PDGFD: variants seen among roughly 807,000 people sequenced by gnomAD.
PDGFD encodes the protein platelet-derived growth factor D.
PDGFD carries 30 observed loss-of-function variants against 44.7 expected under a neutral mutation model. That is an observed-to-expected ratio of 0.67 (90% CI 0.50 to 0.91). The LOEUF (loss-of-function observed/expected upper bound fraction) is 0.91, where lower values mean the gene tolerates loss of function less well. Among genes scored for constraint, PDGFD ranks in the 40% least tolerant of loss-of-function variants. The pLI, the probability that PDGFD is intolerant of heterozygous loss-of-function variation, is 0.00. For synonymous variants in PDGFD, 173 were observed against 168.4 expected, an observed-to-expected ratio of 1.03 and a Z score of -0.21; for missense variants, 445 against 457.8, an observed-to-expected ratio of 0.97 and a Z score of 0.25.
At chr11:104,062,563 T>TA (rs1265687269) in intron 1 of PDGFD, among the ~76,000 whole-genome samples, 1 of 152,242 alleles carries the variant, frequency 6.6e-6, no homozygotes, top group Non-Finnish European at 1.5e-5. Flanking sequence ...ACGTTAGGAA[T>TA]AATTACTTAT....
At chr11:104,079,531 G>A (rs1480203138) in intron 1 of PDGFD, among the ~76,000 whole-genome samples, 2 of 152,070 alleles carry the variant, frequency 1.3e-5, no homozygotes, top group Admixed American at 6.6e-5. Flanking sequence ...GGAATTACAG[G>A]TGCCTGCCGC....
intron 3 of PDGFD, among the ~76,000 whole-genome samples, chr11:103,984,944 A>C (rs1258891545): frequency 1.1e-5 from 1 of 88,912 alleles, no homozygotes; most frequent in Non-Finnish European, 2.4e-5. Flanking sequence ...TATATAACAT[A>C]TTAATTTATT....
intron 6 of PDGFD, among the ~76,000 whole-genome samples, chr11:103,916,741 T>G (rs1858132323): frequency 6.6e-6 from 1 of 152,122 alleles, no homozygotes; most frequent in African/African-American, 2.4e-5. Context: ...ATATACACCA[T>G]GAAATACTAT....
At chr11:103,945,163 A>C (rs1177800980) in intron 4 of PDGFD, among the ~76,000 whole-genome samples, 1 of 152,106 alleles carries the variant, frequency 6.6e-6, no homozygotes, top group African/African-American at 2.4e-5. Context: ...TCACAGTTCA[A>C]GCCATGTTAA....
rs142453389 is a variant in PDGFD at position 104,040,566 on chromosome 11, A to G, written c.125-40311T>C. On this transcript the variant is annotated intron_variant, in intron 1 of 6. Transcript: ENST00000393158. The stretch of plus-strand genomic sequence containing the variant: ...CATCTTTTGCTTGTCTTCTACATCA[A>G]TCAGGCACTATGCAAGGTACTTTGC... 1.3e-3 allele frequency among the ~76,000 whole-genome samples: 198 copies of G among 152,106 alleles called. 4 individuals are homozygous for G. The highest frequency in any genetic ancestry group is 4.5e-3 in the African/African-American group (187 of 41,546).
chr11:104,127,042 G>A (rs551911263), intron 1 of PDGFD, among the ~76,000 whole-genome samples: 16 of 152,112 alleles, frequency 1.1e-4, no homozygotes, highest in East Asian at 7.8e-4. Context: ...CACGAATCCC[G>A]TGCCCATACC....
rs1861715396 is a variant in PDGFD at position 104,119,316 on chromosome 11, TATATTG to T, written c.124+44482_124+44487del. 5.4e-5 allele frequency among the ~76,000 whole-genome samples: 4 copies of T among 73,794 alleles called. 1 individual carries two copies. The highest frequency in any genetic ancestry group is 1.1e-3 in the South Asian group (2 of 1,772). 48.4% of individuals were successfully genotyped at this position (73,794 alleles called of 152,430 possible). On this transcript the variant is annotated intron_variant, in intron 1 of 6. Transcript: ENST00000393158. ...TATAATATATAATATATTGATATAA[TATATTG>T]ATATAATATATAATATATTGATATA...
At chr11:104,163,602 C>T (rs1037933448) in intron 1 of PDGFD, among the ~76,000 whole-genome samples, 1 of 152,076 alleles carries the variant, frequency 6.6e-6, no homozygotes, top group Admixed American at 6.5e-5. Context: ...CCCATCAGCA[C>T]GCGTCCCACA....
At chr11:103,931,474 T>C (rs1011529772) in intron 5 of PDGFD, among the ~76,000 whole-genome samples, 40 of 152,234 alleles carry the variant, frequency 2.6e-4, no homozygotes, top group African/African-American at 9.6e-4. Context: ...TTCATCAATC[T>C]TTATTCTGAT....
chr11:104,057,609 C>T (rs1860641921), intron 1 of PDGFD, among the ~76,000 whole-genome samples: 1 of 152,104 alleles, frequency 6.6e-6, no homozygotes, highest in African/African-American at 2.4e-5. Context: ...TCATTCATAA[C>T]CCAAACCTCA....
In PDGFD at chr11:103,964,507, G is replaced by T. The variant is rs143829802; in HGVS notation, c.511-16783C>A. Among the ~76,000 whole-genome samples the T allele has an allele frequency of 2.0e-5, 3 of 152,230 alleles. No individual in the cohort carries two copies. In the East Asian group the frequency reaches 5.8e-4, roughly 29 times the overall value. ...TCTCCTGCCTTAGTCCAGATTTTGTGCACTCTAACATATGCTTTAAGAAAA... is the reference window on the plus strand; with the variant it reads ...TCTCCTGCCTTAGTCCAGATTTTGTTCACTCTAACATATGCTTTAAGAAAA... On this transcript the variant is annotated intron_variant, in intron 3 of 6. Transcript: ENST00000393158.
chr11:104,086,055 T>C (rs1024890560), intron 1 of PDGFD, among the ~76,000 whole-genome samples: 2 of 152,186 alleles, frequency 1.3e-5, no homozygotes, highest in African/African-American at 4.8e-5. Context: ...TTTTGAAAGA[T>C]CGCGCCTCTG....
chr11:103,913,395 A>G (rs1054858770), intron 6 of PDGFD, among the ~76,000 whole-genome samples: 1 of 152,202 alleles, frequency 6.6e-6, no homozygotes. Flanking sequence ...CTGCTCCTGA[A>G]TGACTACTGG....
chr11:103,958,592 T>A (rs766139714), intron 3 of PDGFD, among the ~76,000 whole-genome samples: 10 of 152,182 alleles, frequency 6.6e-5, no homozygotes, highest in Non-Finnish European at 1.3e-4. Flanking sequence ...GCAAGCACAG[T>A]GCCTGGTACA....
At chr11:103,984,703 A>T (rs1774130139) in intron 3 of PDGFD, among the ~76,000 whole-genome samples, 1 of 150,602 alleles carries the variant, frequency 6.6e-6, no homozygotes, top group Admixed American at 6.7e-5. Context: ...AATAGCCATA[A>T]TGTTGATTTA....
At chr11:104,052,197 C>T (rs578242946) in intron 1 of PDGFD, among the ~76,000 whole-genome samples, 2 of 152,250 alleles carry the variant, frequency 1.3e-5, no homozygotes, top group South Asian at 4.1e-4. Flanking sequence ...CAGTACTTTA[C>T]TCCTTTTGAT....
chr11:104,025,090 C>T (rs1860022699), intron 1 of PDGFD, among the ~76,000 whole-genome samples: 1 of 152,226 alleles, frequency 6.6e-6, no homozygotes, highest in African/African-American at 2.4e-5. Flanking sequence ...CAAACCTTGG[C>T]ACATCCAAAG....
At chr11:103,967,226 T>G (rs1859033980) in intron 3 of PDGFD, among the ~76,000 whole-genome samples, 1 of 152,204 alleles carries the variant, frequency 6.6e-6, no homozygotes, top group Admixed American at 6.5e-5. Flanking sequence ...TCACTCTGTA[T>G]ATTGCTTCCT....
chr11:103,982,868 G>A (rs971460015), intron 3 of PDGFD, among the ~76,000 whole-genome samples: 2 of 151,342 alleles, frequency 1.3e-5, no homozygotes, highest in African/African-American at 4.9e-5. Context: ...GTGGGAAGGT[G>A]AAAGATCCCT....
Sources: allele counts gnomAD v4.1 joint callset (sites outside exome capture counted in the v4.1 genomes callset), GRCh38; gene constraint gnomAD v4.1.1; transcripts MANE v1.5; gene names NCBI Gene and HGNC (gene_info 2026-07-23, HGNC 2026-07-21).